Variants in TRAPPC9 observed in about 807,000 individuals in gnomAD.
TRAPPC9 encodes the protein IKK2 binding protein.
TRAPPC9 carries 83 observed loss-of-function variants against 124.0 expected under a neutral mutation model. The observed-to-expected ratio is 0.67, with a 90% confidence interval of 0.56 to 0.80. The LOEUF (loss-of-function observed/expected upper bound fraction) is 0.80. Among genes scored for constraint, TRAPPC9 ranks in the 30% least tolerant of loss-of-function variants. TRAPPC9 has a pLI of 0.00. For synonymous variants in TRAPPC9, 638 were observed against 617.5 expected (o/e 1.03, Z -0.49); for missense variants, 1,302 against 1,508.3 (o/e 0.86, Z 2.27).
chr8:140,211,255 T>C, intron 17 of TRAPPC9, among the ~76,000 whole-genome samples: 1 of 151,988 alleles, frequency 6.6e-6, no homozygotes, highest in East Asian at 1.9e-4. Context: ...AAAAAAAGTA[T>C]TTTTTTTAAA....
chr8:139,837,452 G>A (rs1401633838), intron 21 of TRAPPC9, among the ~76,000 whole-genome samples: 1 of 152,198 alleles, frequency 6.6e-6, no homozygotes, highest in African/African-American at 2.4e-5. Flanking sequence ...GACCAAAGAG[G>A]AACTCTGAGG....
chr8:139,967,850 C>T (rs1488801336), intron 19 of TRAPPC9, among the ~76,000 whole-genome samples: 1 of 152,096 alleles, frequency 6.6e-6, no homozygotes, highest in African/African-American at 2.4e-5. Flanking sequence ...AAAAAAAACA[C>T]AATGGTGGCC....
At chr8:139,757,102 T>G (rs1819881889) in intron 21 of TRAPPC9, among the ~76,000 whole-genome samples, 1 of 122,800 alleles carries the variant, frequency 8.1e-6, no homozygotes, top group Non-Finnish European at 1.7e-5. Context: ...GGTTTGGGGA[T>G]GAGGACAGCA....
intron 9 of TRAPPC9, among the ~76,000 whole-genome samples, chr8:140,331,959 C>G (rs1015776050): frequency 6.6e-6 from 1 of 152,192 alleles, no homozygotes; most frequent in Non-Finnish European, 1.5e-5. Context: ...CATGATCCAG[C>G]AATCCCACTG....
intron 21 of TRAPPC9, among the ~76,000 whole-genome samples, chr8:139,732,610 T>C (rs1197505824): frequency 6.6e-6 from 1 of 152,168 alleles, no homozygotes; most frequent in Non-Finnish European, 1.5e-5. Context: ...CAGGTGAGCT[T>C]TGGGGCACAG....
At chr8:139,929,414 C>A (rs1016177935) in intron 19 of TRAPPC9, among the ~76,000 whole-genome samples, 1 of 152,002 alleles carries the variant, frequency 6.6e-6, no homozygotes, top group Non-Finnish European at 1.5e-5. Flanking sequence ...TTCTCAAACA[C>A]AGCAGTGGTC....
chr8:140,161,544 T>A (rs1204843548), intron 17 of TRAPPC9, among the ~76,000 whole-genome samples: 1 of 152,282 alleles, frequency 6.6e-6, no homozygotes, highest in South Asian at 2.1e-4. Context: ...AAGGTAACTG[T>A]ATATGATACT....
intron 15 of TRAPPC9, among the ~76,000 whole-genome samples, chr8:140,269,618 T>C (rs557482531): frequency 2.0e-5 from 3 of 152,060 alleles, no homozygotes; most frequent in South Asian, 4.2e-4. Flanking sequence ...GATAGGAGGC[T>C]GGATAGATAT....
At chr8:139,863,448 A>G (rs1231636521) in intron 21 of TRAPPC9, among the ~76,000 whole-genome samples, 1 of 152,212 alleles carries the variant, frequency 6.6e-6, no homozygotes, top group East Asian at 1.9e-4. Flanking sequence ...CCCTGGCAGG[A>G]CACTGCTTCC....
intron 21 of TRAPPC9, among the ~76,000 whole-genome samples, chr8:139,883,092 A>C (rs1829778193): frequency 6.6e-6 from 1 of 152,210 alleles, no homozygotes; most frequent in South Asian, 2.1e-4. Flanking sequence ...GGATTAATCC[A>C]TTCAAGGATT....
chr8:140,360,230 G>C, intron 8 of TRAPPC9, 37 bp from the exon 9 acceptor site: 1 of 1,613,654 alleles, frequency 6.2e-7, no homozygotes, highest in African/African-American at 1.3e-5. Flanking sequence ...AAAAGTGCTT[G>C]GAGAGGGTAC....
chr8:140,038,810 T>C (rs745819805), intron 17 of TRAPPC9, among the ~76,000 whole-genome samples: 2 of 152,212 alleles, frequency 1.3e-5, no homozygotes, highest in Non-Finnish European at 2.9e-5. Context: ...ATGGTTCCCG[T>C]CTGCAGGGCG....
intron 21 of TRAPPC9, among the ~76,000 whole-genome samples, chr8:139,872,424 ATGGGCTGG>A (rs1563880203): frequency 4.6e-4 from 37 of 80,892 alleles, no homozygotes; most frequent in African/African-American, 1.3e-3. Context: ...GGATGGATGG[ATGGGCTGG>A]TGGATGGGTT....
At chr8:139,997,716 CCACACAGGGGAAACAA>C (rs1838114940) in intron 18 of TRAPPC9, among the ~76,000 whole-genome samples, 2 of 97,474 alleles carry the variant, frequency 2.1e-5, no homozygotes, top group African/African-American at 5.6e-5. Flanking sequence ...ACAATGCATC[CCACACAGGGGAAACAA>C]TGCATCCTAC....
chr8:140,446,293 C>CACAA (rs2071252844), intron 2 of TRAPPC9, among the ~76,000 whole-genome samples: 1 of 110,370 alleles, frequency 9.1e-6, no homozygotes. Flanking sequence ...GACTCTGTCT[C>CACAA]AAAAAAAAAA....
At chr8:140,456,949 G>GTCAGCCC in intron 1 of TRAPPC9, 1 of 434,962 alleles carries the variant, frequency 2.3e-6, no homozygotes, top group South Asian at 9.8e-5. Context: ...GGGGTGGGCT[G>GTCAGCCC]ACAGGGAGAA....
chr8:140,144,337 C>T (rs1203704108), intron 17 of TRAPPC9, among the ~76,000 whole-genome samples: 1 of 152,190 alleles, frequency 6.6e-6, no homozygotes, highest in Non-Finnish European at 1.5e-5. Flanking sequence ...GCTATTTCAT[C>T]AGGTCTACAT....
At chr8:140,286,916 G>A (rs1249373173) in intron 13 of TRAPPC9, among the ~76,000 whole-genome samples, 3 of 152,122 alleles carry the variant, frequency 2.0e-5, no homozygotes. Flanking sequence ...CGAGAGATGG[G>A]GAAGGAAAGA....
intron 17 of TRAPPC9, among the ~76,000 whole-genome samples, chr8:140,160,594 A>C (rs928806136): frequency 6.1e-5 from 9 of 147,378 alleles, no homozygotes; most frequent in Admixed American, 4.7e-4. Flanking sequence ...GAATTGAACA[A>C]TGAGAAGACA....
Sources: allele counts gnomAD v4.1 joint callset (sites outside exome capture counted in the v4.1 genomes callset), GRCh38; gene constraint gnomAD v4.1.1; transcripts MANE v1.5; gene names NCBI Gene and HGNC (gene_info 2026-07-23, HGNC 2026-07-21).